Variants in PNISR observed in about 807,000 individuals in gnomAD.
PNISR encodes arginine/serine-rich protein PNISR.
In PNISR, 20 loss-of-function variants were observed where a neutral mutation model predicts 93.4. The observed-to-expected ratio is 0.21, with a 90% CI of 0.15 to 0.31. PNISR has a LOEUF of 0.31. Ranked by LOEUF, PNISR falls within the 10% of genes least tolerant of loss-of-function variation. PNISR has a pLI of 1.00. For synonymous variants in PNISR, 305 were observed against 306.5 expected (o/e 0.99, Z 0.05); for missense variants, 893 against 985.4 (o/e 0.91, Z 1.25).
Position 99,403,829 on chromosome 6 carries a change from C to T in PNISR, c.1156G>A (p.Gly386Ser). The T allele has an allele frequency of 6.2e-7, 1 of 1,611,516 alleles. No individual in the cohort carries two copies. The part of the protein sequence containing the change: ...SSALASLTGL[G>S]GLGGYGSGDS... ...TCTCACAAATATGGAAAACACTTAC[C>T]GAGTCCAGTGAGGGAAGCCAGTGCA... The change falls in exon 10 of 12, where the codon GGT (glycine) becomes AGT (serine). Residue 386 changes from glycine to serine, a missense_variant and splice_region_variant. This residue lies in a region of PNISR where 866 missense variants were observed against 935.1 expected (regional missense o/e 0.93). Transcript: ENST00000369239.
At chr6:99,409,045 TA>T in intron 6 of PNISR, 127 bp downstream of exon 6, 1 of 710,782 alleles carries the variant, frequency 1.4e-6, no homozygotes, top group Non-Finnish European at 2.4e-6. Context: ...TTTATGACCA[TA>T]AAAAATAAAG....
At chr6:99,413,515 G>A (rs1182382589) in intron 3 of PNISR, among the ~76,000 whole-genome samples, 2 of 151,902 alleles carry the variant, frequency 1.3e-5, no homozygotes, top group African/African-American at 4.8e-5. Flanking sequence ...TGGTAGCGAT[G>A]GGGTTTCATC....
chr6:99,408,437 A>AC (rs1217015136), intron 6 of PNISR, among the ~76,000 whole-genome samples, 166 bp from the exon 7 acceptor site: 44 of 152,320 alleles, frequency 2.9e-4, no homozygotes, highest in Admixed American at 2.9e-3. Context: ...CTGCCAGGAC[A>AC]CAATGAAAGC....
rs1166838873 is a variant in PNISR, at chr6:99,419,152, C to CAAAAAAAAAAAAAAAAAAAAAA, written c.-111-2746_-111-2725dup. 3.0e-4 allele frequency among the ~76,000 whole-genome samples: 6 copies of CAAAAAAAAAAAAAAAAAAAAAA among 19,824 alleles called. 3 individuals carry two copies. Among genetic ancestry groups the CAAAAAAAAAAAAAAAAAAAAAA allele is most frequent in the Non-Finnish European group, 5.8e-4 (6 of 10,406 alleles). The allele number at this position is 19,824 out of a possible 152,430, so 13.0% of individuals were successfully genotyped here. ...TGGGTGCCAGAGCGAGACTCCGTCT[C>CAAAAAAAAAAAAAAAAAAAAAA]AAAAAAAAAAAAAAAAAAAAAAAAA... On this transcript the variant is annotated intron_variant, in intron 1 of 11. Coordinates refer to ENST00000369239, the MANE Select transcript of PNISR (RefSeq NM_032870.4).
intron 1 of PNISR, among the ~76,000 whole-genome samples, chr6:99,418,730 G>A (rs1778076405): frequency 6.6e-6 from 1 of 152,214 alleles, no homozygotes; most frequent in Admixed American, 6.5e-5. Flanking sequence ...GGTAAGTTAA[G>A]GAAGTTAGAG....
intron 1 of PNISR, among the ~76,000 whole-genome samples, chr6:99,417,345 C>T (rs2128492235): frequency 6.6e-6 from 1 of 152,268 alleles, no homozygotes; most frequent in African/African-American, 2.4e-5. Flanking sequence ...TCATGGACAA[C>T]TTTTTTAGTT....
Position 99,402,580 on chromosome 6 carries a change from T to G in PNISR, c.1287A>C (p.Lys429Asn). 1 of 1,613,704 alleles carries G rather than the reference T, an allele frequency of 6.2e-7. No individual in the cohort carries two copies. Among genetic ancestry groups the G allele is most frequent in the Non-Finnish European group, 8.5e-7 (1 of 1,179,714 alleles). ...CATGTAATAGCTGCTGTTCTTTTTC[T>G]TTTCTCCAAAAAGCTTCCTGTTTTT... ...IRQKQEAFWRKEKEQQLLHDK... is the reference protein window; with the variant it reads ...IRQKQEAFWRNEKEQQLLHDK... Residue 429 changes from lysine to asparagine, a missense_variant, in exon 11 of 12, where the codon AAA (lysine) becomes AAC (asparagine). Physicochemically the swap from Lys to Asn is moderately conservative, Grantham distance 94 (BLOSUM62 0). Coordinates refer to ENST00000369239, the MANE Select transcript of PNISR (RefSeq NM_032870.4).
chr6:99,405,333 G>C (rs2128481509), intron 8 of PNISR, among the ~76,000 whole-genome samples: 1 of 152,052 alleles, frequency 6.6e-6, no homozygotes, highest in East Asian at 2.0e-4. Flanking sequence ...CAGGCATGGT[G>C]GTGGGCACCT....
At chr6:99,414,545 C>T in intron 3 of PNISR, 27 bp downstream of exon 3, 1 of 1,200,556 alleles carries the variant, frequency 8.3e-7, no homozygotes, top group Non-Finnish European at 1.2e-6. Flanking sequence ...CCAACCCCGC[C>T]CTTTCAAATT....
chr6:99,423,309 A>C (rs908047521), intron 1 of PNISR, among the ~76,000 whole-genome samples: 2 of 152,224 alleles, frequency 1.3e-5, no homozygotes, highest in Non-Finnish European at 2.9e-5. Context: ...GATATGATAA[A>C]ATAAACTAAC....
At position 99,425,229 on chromosome 6, in the gene PNISR, G is replaced by GAACACCCTTGTCGCCGCCGTTCCGGT; in HGVS notation, c.-152_-127dup. ...CCATCACTTACCCACTCTAGTTCGG[G>GAACACCCTTGTCGCCGCCGTTCCGGT]AACACCCTTGTCGCCGCCGTTCCGG... On this transcript the variant is annotated 5_prime_UTR_variant, in exon 1 of 12. Coordinates refer to ENST00000369239, the MANE Select transcript of PNISR (RefSeq NM_032870.4). 8.1e-7 allele frequency: 1 copy of GAACACCCTTGTCGCCGCCGTTCCGGT among 1,232,056 alleles called. No homozygotes were observed. The highest frequency in any genetic ancestry group is 1.0e-6 in the Non-Finnish European group (1 of 987,894). The allele number at this position is 1,232,056 out of a possible 1,614,324, so 76.3% of individuals were successfully genotyped here.
At chr6:99,402,004 A>G (rs558782438) in intron 11 of PNISR, among the ~76,000 whole-genome samples, 1 of 152,330 alleles carries the variant, frequency 6.6e-6, no homozygotes, top group South Asian at 2.1e-4. Context: ...AGCAAAATAC[A>G]GTATCAAGAT....
At chr6:99,413,605 C>A (rs1777274629) in intron 3 of PNISR, among the ~76,000 whole-genome samples, 1 of 152,122 alleles carries the variant, frequency 6.6e-6, no homozygotes. Flanking sequence ...GAACTACAGG[C>A]ATGAACCACC....
In PNISR at chr6:99,414,474, C is replaced by T. The variant is rs1777401272; in HGVS notation, c.88+98G>A. 7 of 570,024 alleles carry T rather than the reference C, an allele frequency of 1.2e-5. No homozygotes were observed. The South Asian group carries it at 2.0e-4, about 16-fold the overall frequency. 35.3% of individuals were successfully genotyped at this position (570,024 alleles called of 1,614,324 possible). On this transcript the variant is annotated intron_variant, in intron 3 of 11. Transcript: ENST00000369239. ...ATTCTGACCATAAAATGATCCAGTA[C>T]ACCAATCTCAATTCCATATCCCTTA...
chr6:99,419,152 C>CAAAAA (rs1166838873), intron 1 of PNISR, among the ~76,000 whole-genome samples: 200 of 19,824 alleles, frequency 0.01, 75 homozygotes, highest in Non-Finnish European at 0.017. Context: ...GACTCCGTCT[C>CAAAAA]AAAAAAAAAA....
At chr6:99,422,557 C>T (rs893823193) in intron 1 of PNISR, among the ~76,000 whole-genome samples, 1 of 152,178 alleles carries the variant, frequency 6.6e-6, no homozygotes, top group Admixed American at 6.5e-5. Flanking sequence ...GAAATACTTG[C>T]AGCTTGTAGC....
chr6:99,415,530 G>T (rs1041686491), intron 2 of PNISR: 10 of 152,124 alleles, frequency 6.6e-5, no homozygotes, highest in African/African-American at 2.4e-4. Context: ...CTGTAAGCTA[G>T]TCTGAAAACA....
intron 6 of PNISR, among the ~76,000 whole-genome samples, 159 bp downstream of exon 6, chr6:99,409,014 A>C (rs1054078742): frequency 6.6e-6 from 1 of 152,244 alleles, no homozygotes. Flanking sequence ...TCAGACCAGT[A>C]TCATTTTTGT....
At chr6:99,410,268 A>G (rs1241140107) in intron 5 of PNISR, 1 of 160,390 alleles carries the variant, frequency 6.2e-6, no homozygotes, top group Non-Finnish European at 1.4e-5. Context: ...AATTATATAC[A>G]ATTCCATTAA....
Sources: gnomAD v4.1 joint callset for allele counts (sites outside exome capture counted in the v4.1 genomes callset) on GRCh38, gnomAD v4.1.1 for gene constraint, gnomAD v4.1.1 regional missense constraint, MANE v1.5 for transcripts, NCBI Gene and HGNC (gene_info 2026-07-23, HGNC 2026-07-21) for gene names.